AMMECR1: variants seen among roughly 807,000 people sequenced by gnomAD.
AMMECR1 encodes the protein nuclear protein AMMECR1.
AMMECR1 carries 3 observed loss-of-function variants against 22.5 expected under a neutral mutation model. The observed-to-expected ratio is 0.13, with a 90% CI of 0.06 to 0.35. AMMECR1 has a LOEUF of 0.35. Ranked by LOEUF, AMMECR1 falls within the 10% of genes least tolerant of loss-of-function variation. AMMECR1 has a pLI of 1.00. For synonymous variants in AMMECR1, 130 were observed against 116.7 expected, an observed-to-expected ratio of 1.11 and a Z score of -0.74; for missense variants, 235 against 278.7, an observed-to-expected ratio of 0.84 and a Z score of 1.12.
In AMMECR1 at chrX:110,343,070, G is replaced by C. The variant is rs769834250; in HGVS notation, c.-147-25221C>G. Among the ~76,000 whole-genome samples the C allele has an allele frequency of 5.4e-5, 6 of 111,894 alleles. No homozygotes were observed. In the South Asian group the frequency reaches 2.3e-3, roughly 42 times the overall value. On this transcript the variant is annotated intron_variant, in intron 2 of 7. Transcript: ENST00000372057. ...AGAATTTTAGACCAATATCCCTGATGAACACTGATGCAAAAATCCTCAATA... is the reference window on the plus strand; with the variant it reads ...AGAATTTTAGACCAATATCCCTGATCAACACTGATGCAAAAATCCTCAATA...
At chrX:110,300,313 G>C (rs1297380030) in intron 1 of AMMECR1, among the ~76,000 whole-genome samples, 1 of 112,170 alleles carries the variant, frequency 8.9e-6, no homozygotes, top group Non-Finnish European at 1.9e-5. Flanking sequence ...GTACCTATTA[G>C]CTATCTGCAT....
intron 1 of AMMECR1, among the ~76,000 whole-genome samples, chrX:110,272,515 C>G (rs1212509725): frequency 9.0e-6 from 1 of 111,706 alleles, no homozygotes; most frequent in Non-Finnish European, 1.9e-5. Flanking sequence ...TTTTATTTGT[C>G]TTTATTTTCT....
intron 2 of AMMECR1, among the ~76,000 whole-genome samples, chrX:110,329,597 AC>A (rs1430447984): frequency 8.9e-6 from 1 of 112,218 alleles, no homozygotes; most frequent in Non-Finnish European, 1.9e-5. Context: ...TACACTGAAC[AC>A]ATAATTTTTC....
At chrX:110,321,294 C>CT (rs1208580793), upstream of AMMECR1, among the ~76,000 whole-genome samples, 4 of 110,501 alleles carry the variant, frequency 3.6e-5, no homozygotes, top group African/African-American at 1.3e-4. Flanking sequence ...CCAGAGGAAA[C>CT]TTTAAGTTGC....
intron 2 of AMMECR1, among the ~76,000 whole-genome samples, chrX:110,369,483 C>G (rs2068322622): frequency 9.0e-6 from 1 of 111,544 alleles, no homozygotes; most frequent in Admixed American, 9.5e-5. Flanking sequence ...TCTACCACTC[C>G]CACTGCTACC....
At chrX:110,344,164 C>G (rs1419566639) in intron 2 of AMMECR1, among the ~76,000 whole-genome samples, 14 of 111,547 alleles carry the variant, frequency 1.3e-4, no homozygotes, top group African/African-American at 4.2e-4. Flanking sequence ...CAATGGAACA[C>G]AACAGAGCCC....
intron 2 of AMMECR1, among the ~76,000 whole-genome samples, chrX:110,345,883 C>G (rs1046092167): frequency 9.0e-6 from 1 of 111,565 alleles, no homozygotes; most frequent in Non-Finnish European, 1.9e-5. Flanking sequence ...TTGAATAGAT[C>G]TTTATAACCT....
intron 1 of AMMECR1, among the ~76,000 whole-genome samples, chrX:110,271,584 G>A (rs933798970): frequency 2.9e-4 from 31 of 106,735 alleles, no homozygotes; most frequent in Non-Finnish European, 5.8e-4. Flanking sequence ...TTCAGCAAAC[G>A]AAAAAAAAAA....
chrX:110,363,773 A>G (rs2068279486), intron 2 of AMMECR1, among the ~76,000 whole-genome samples: 1 of 111,068 alleles, frequency 9.0e-6, no homozygotes, highest in African/African-American at 3.3e-5. Flanking sequence ...CTATCTCTTC[A>G]CTCACCAGTA....
At chrX:110,387,717 C>G (rs1422243750) in intron 2 of AMMECR1, among the ~76,000 whole-genome samples, 4 of 111,728 alleles carry the variant, frequency 3.6e-5, no homozygotes, top group Non-Finnish European at 1.9e-5. Context: ...CCCATGTTCT[C>G]TACTTCTCAA....
chrX:110,297,686 T>C (rs2067944589), intron 1 of AMMECR1, among the ~76,000 whole-genome samples: 1 of 112,059 alleles, frequency 8.9e-6, no homozygotes, highest in Admixed American at 9.5e-5. Flanking sequence ...TTTTAACAAT[T>C]GTTGCCAGAC....
At chrX:110,269,530 G>C (rs756428082) in intron 1 of AMMECR1, among the ~76,000 whole-genome samples, 6 of 108,099 alleles carry the variant, frequency 5.6e-5, no homozygotes, top group East Asian at 2.9e-4. Flanking sequence ...TTTATATTGG[G>C]GGGGGGGATA....
chrX:110,334,709 A>G (rs1265179126), intron 2 of AMMECR1, among the ~76,000 whole-genome samples: 1 of 112,216 alleles, frequency 8.9e-6, no homozygotes, highest in Admixed American at 9.5e-5. Flanking sequence ...TTCCATTATG[A>G]ACTACATCTT....
intron 2 of AMMECR1, among the ~76,000 whole-genome samples, chrX:110,371,775 T>C (rs1172752984): frequency 9.0e-6 from 1 of 111,619 alleles, no homozygotes; most frequent in African/African-American, 3.3e-5. Flanking sequence ...TCTAAAGCTA[T>C]GGCTACTCTG....
chrX:110,225,025 G>GGGGATT (rs1305810850), intron 2 of AMMECR1: 1 of 373,294 alleles, frequency 2.7e-6, no homozygotes. Flanking sequence ...ACTACCACAT[G>GGGGATT]GGGATTGGCT....
chrX:110,241,223 C>T (rs1202655033), intron 2 of AMMECR1, among the ~76,000 whole-genome samples: 3 of 110,776 alleles, frequency 2.7e-5, no homozygotes, highest in African/African-American at 9.9e-5. Context: ...TAAGAAATAA[C>T]TAAGATCAGA....
intron 4 of AMMECR1, 31 bp from the exon 5 acceptor site, chrX:110,201,081 T>A: frequency 1.0e-6 from 1 of 987,915 alleles, no homozygotes; most frequent in Non-Finnish European, 1.4e-6. Context: ...AAAATATCAG[T>A]CAAGCACATG....
chrX:110,389,453 G>T (rs368085786), intron 2 of AMMECR1, among the ~76,000 whole-genome samples: 2 of 112,165 alleles, frequency 1.8e-5, no homozygotes, highest in African/African-American at 6.5e-5. Context: ...TCTGCCACAA[G>T]TTGGCTTGCT....
At chrX:110,312,284 G>C (rs928993689) in intron 1 of AMMECR1, among the ~76,000 whole-genome samples, 1 of 112,489 alleles carries the variant, frequency 8.9e-6, no homozygotes, top group African/African-American at 3.2e-5. Context: ...ACACAAATTT[G>C]GTTTCAAAAA....
Sources: allele counts gnomAD v4.1 joint callset (sites outside exome capture counted in the v4.1 genomes callset), GRCh38; gene constraint gnomAD v4.1.1; transcripts MANE v1.5; gene names NCBI Gene and HGNC (gene_info 2026-07-23, HGNC 2026-07-21).